GPR83: variants seen among roughly 807,000 people sequenced by gnomAD.
The protein encoded by GPR83 is G protein-coupled receptor 83, also known as G-protein coupled receptor 72.
A neutral mutation model predicts 28.0 loss-of-function variants in GPR83; 23 were observed. The ratio of observed to expected loss-of-function variants is 0.82; its 90% confidence interval spans 0.59 to 1.16. GPR83 has a LOEUF of 1.16. GPR83 is among the 50% of genes most tolerant of loss of function. The probability of loss-of-function intolerance (pLI) is 0.00; values close to 1 mark genes in which losing one functional copy is unlikely to be tolerated. For missense variants in GPR83, 610 were observed against 536.6 expected (o/e 1.14, Z -1.35); for synonymous variants, 234 against 215.4 (o/e 1.09, Z -0.76).
intron 3 of GPR83, among the ~76,000 whole-genome samples, chr11:94,386,837 T>C (rs760516228): frequency 1.6e-4 from 25 of 152,326 alleles, no homozygotes; most frequent in Middle Eastern, 3.4e-3. Context: ...CTAATAGACA[T>C]CTACAGAACT....
At chr11:94,391,952 A>G (rs1196796112) in intron 3 of GPR83, among the ~76,000 whole-genome samples, 2 of 152,204 alleles carry the variant, frequency 1.3e-5, no homozygotes, top group Non-Finnish European at 2.9e-5. Flanking sequence ...ATACCATTTG[A>G]CCCAGCAATC....
intron 3 of GPR83, among the ~76,000 whole-genome samples, chr11:94,388,335 G>A (rs1944780635): frequency 6.6e-6 from 1 of 152,116 alleles, no homozygotes. Context: ...CAATCAGGCA[G>A]GAGAAGGAAA....
chr11:94,399,723 G>C (rs1353939201), intron 1 of GPR83, among the ~76,000 whole-genome samples: 1 of 152,212 alleles, frequency 6.6e-6, no homozygotes, highest in Admixed American at 6.5e-5. Flanking sequence ...GGGATTAATA[G>C]ATATTGCTTT....
At chr11:94,381,515 G>C (rs187970397) in intron 3 of GPR83, among the ~76,000 whole-genome samples, 1 of 151,738 alleles carries the variant, frequency 6.6e-6, no homozygotes, top group Non-Finnish European at 1.5e-5. Flanking sequence ...TCTGCCTTCC[G>C]AGCCTGTTTC....
intron 3 of GPR83, among the ~76,000 whole-genome samples, chr11:94,381,026 C>A (rs1944681374): frequency 6.6e-6 from 1 of 152,058 alleles, no homozygotes; most frequent in South Asian, 2.1e-4. Flanking sequence ...AATTCCTAGC[C>A]CACAGTAGAG....
chr11:94,385,340 T>C (rs1944742176), intron 3 of GPR83, among the ~76,000 whole-genome samples: 1 of 152,200 alleles, frequency 6.6e-6, no homozygotes, highest in South Asian at 2.1e-4. Context: ...GGAAAAAAGC[T>C]GGACGGAGAA....
At chr11:94,397,030 T>C (rs1000255824) in intron 1 of GPR83, among the ~76,000 whole-genome samples, 5 of 152,226 alleles carry the variant, frequency 3.3e-5, no homozygotes, top group African/African-American at 1.2e-4. Context: ...ACAAAATTCA[T>C]TCTTGGTCCA....
At chr11:94,384,284 C>G (rs570432162) in intron 3 of GPR83, among the ~76,000 whole-genome samples, 5 of 152,246 alleles carry the variant, frequency 3.3e-5, no homozygotes, top group East Asian at 3.9e-4. Context: ...AATTCAGCAC[C>G]CTTTCATGCT....
At chr11:94,392,178 A>G (rs1425569498) in intron 3 of GPR83, among the ~76,000 whole-genome samples, 1 of 152,138 alleles carries the variant, frequency 6.6e-6, no homozygotes, top group Non-Finnish European at 1.5e-5. Context: ...TTGCGGGGAC[A>G]TGGATGAAGC....
At chr11:94,382,224 T>C (rs1025879324) in intron 3 of GPR83, among the ~76,000 whole-genome samples, 2 of 151,512 alleles carry the variant, frequency 1.3e-5, no homozygotes, top group South Asian at 2.1e-4. Flanking sequence ...TGGTGGCACA[T>C]GCCTATAATC....
In GPR83 at chr11:94,378,722, G is replaced by C. The variant is rs1467220337; in HGVS notation, c.*1427C>G. The C allele has an allele frequency of 1.3e-5, 2 of 152,636 alleles. No homozygotes were observed. The highest frequency in any genetic ancestry group is 1.9e-4 in the East Asian group (1 of 5,198). 9.5% of individuals were successfully genotyped at this position (152,636 alleles called of 1,614,324 possible). A position where few individuals can be genotyped will look rare whatever the true frequency, so the allele number is the denominator to read the frequency against. Reference sequence around the variant, plus strand: ...GAAATGGCCTTTCTAGACAGCTTGGGAGGATGAGGTGTCTAAGCACAATTA... The same window carrying C: ...GAAATGGCCTTTCTAGACAGCTTGGCAGGATGAGGTGTCTAAGCACAATTA... On this transcript the variant is annotated 3_prime_UTR_variant, in exon 4 of 4. Coordinates refer to ENST00000243673, the MANE Select transcript of GPR83 (RefSeq NM_016540.4).
At chr11:94,385,720 G>A (rs186131412) in intron 3 of GPR83, among the ~76,000 whole-genome samples, 1 of 152,228 alleles carries the variant, frequency 6.6e-6, no homozygotes, top group Admixed American at 6.5e-5. Flanking sequence ...ATCTATGTCT[G>A]ATTGGTGTAT....
chr11:94,381,995 A>C (rs1944695084), intron 3 of GPR83, among the ~76,000 whole-genome samples: 1 of 152,014 alleles, frequency 6.6e-6, no homozygotes, highest in African/African-American at 2.4e-5. Flanking sequence ...GCACTGCCTC[A>C]ATTAGCCACT....
chr11:94,389,947 TA>T, intron 3 of GPR83, among the ~76,000 whole-genome samples: 1 of 152,194 alleles, frequency 6.6e-6, no homozygotes, highest in South Asian at 2.1e-4. Context: ...TAGACTGGAT[TA>T]AGAAAATGTG....
chr11:94,395,829 C>T (rs1264337594), intron 2 of GPR83, among the ~76,000 whole-genome samples: 1 of 152,222 alleles, frequency 6.6e-6, no homozygotes, highest in East Asian at 1.9e-4. Flanking sequence ...ATCTCTCACT[C>T]ATCTCTGACC....
chr11:94,399,847 A>T (rs1361202537), intron 1 of GPR83, among the ~76,000 whole-genome samples: 1 of 152,212 alleles, frequency 6.6e-6, no homozygotes, highest in African/African-American at 2.4e-5. Flanking sequence ...TACAGTCCCA[A>T]ATCATCCATG....
chr11:94,398,595 C>T (rs986532848), intron 1 of GPR83, among the ~76,000 whole-genome samples: 6 of 152,202 alleles, frequency 3.9e-5, no homozygotes, highest in Non-Finnish European at 7.3e-5. Flanking sequence ...CCCTCCTCTA[C>T]GTTCTCTGTG....
At position 94,380,482 on chromosome 11, in the gene GPR83, G is replaced by A. The variant is rs753119600; in HGVS notation, c.939C>T (p.Leu313=). ...LCWFPLNCYV[L]LLSSKVIRTN... is the part of the protein sequence containing the mutation. ...TGCGGATGACCTTGCTGGACAGGAG[G>A]AGGACGTAGCAGTTGAGGGGGAACC... Residue 313 remains leucine, a synonymous_variant, in exon 4 of 4, where the codon CTC becomes CTT. Transcript: ENST00000243673. 34 of 1,614,074 alleles carry A rather than the reference G, an allele frequency of 2.1e-5. No individual in the cohort carries two copies. The highest frequency in any genetic ancestry group is 2.9e-5 in the Non-Finnish European group (34 of 1,180,006).
intron 1 of GPR83, among the ~76,000 whole-genome samples, chr11:94,399,752 A>G (rs1944894297): frequency 6.6e-6 from 1 of 152,238 alleles, no homozygotes; most frequent in South Asian, 2.1e-4. Flanking sequence ...CTCAAATGAC[A>G]AAGTTATTCC....
Sources: gnomAD v4.1 joint callset for allele counts (sites outside exome capture counted in the v4.1 genomes callset) on GRCh38, gnomAD v4.1.1 for gene constraint, MANE v1.5 for transcripts, NCBI Gene and HGNC (gene_info 2026-07-23, HGNC 2026-07-21) for gene names.